Variants in PDE11A observed in about 807,000 individuals in gnomAD.
The protein encoded by PDE11A is dual 3',5'-cyclic-AMP and -GMP phosphodiesterase 11A.
In PDE11A, 100 loss-of-function variants were observed where a neutral mutation model predicts 100.5. That is an observed-to-expected ratio of 1.00 (90% confidence interval 0.85 to 1.18). PDE11A has a LOEUF of 1.18. PDE11A is among the 50% of genes most tolerant of loss of function. PDE11A has a pLI of 0.00. For synonymous variants in PDE11A, 381 were observed against 420.8 expected, an observed-to-expected ratio of 0.91 and a Z score of 1.16; for missense variants, 1,141 against 1,152.6, an observed-to-expected ratio of 0.99 and a Z score of 0.15.
chr2:177,967,944 C>T (rs563718427), intron 2 of PDE11A, among the ~76,000 whole-genome samples: 1 of 152,130 alleles, frequency 6.6e-6, no homozygotes, highest in African/African-American at 2.4e-5. Flanking sequence ...TAAATGAATA[C>T]CTATTTCATG....
intron 5 of PDE11A, among the ~76,000 whole-genome samples, chr2:177,861,658 T>A (rs1250741349): frequency 3.3e-5 from 5 of 151,890 alleles, no homozygotes; most frequent in Admixed American, 1.3e-4. Context: ...GGACTCACAC[T>A]TTTAGATTTT....
rs923202273 is a variant in PDE11A at position 177,859,022 on chromosome 2, C to T, written c.1367+16837G>A. Among the ~76,000 whole-genome samples the T allele has an allele frequency of 1.8e-4, 27 of 152,154 alleles. 1 individual carries two copies. The East Asian group carries it at 4.4e-3, about 25-fold the overall frequency. Reference sequence around the variant, plus strand: ...CAAAAAACCAAACACCGCATGTTCTCGCTCATAGGTGGGAATTGAACAATG... The same window carrying T: ...CAAAAAACCAAACACCGCATGTTCTTGCTCATAGGTGGGAATTGAACAATG... On this transcript the variant is annotated intron_variant, in intron 5 of 19. Transcript: ENST00000286063.
At chr2:177,727,513 A>G in intron 12 of PDE11A, 145 bp downstream of exon 12, 3 of 704,494 alleles carry the variant, frequency 4.3e-6, no homozygotes, top group Non-Finnish European at 2.6e-6. Context: ...TTGCTGGCAC[A>G]TATATACTTT....
At chr2:177,848,630 T>C (rs899800820) in intron 5 of PDE11A, among the ~76,000 whole-genome samples, 1 of 152,142 alleles carries the variant, frequency 6.6e-6, no homozygotes, top group East Asian at 1.9e-4. Context: ...ATATTGACTG[T>C]GGAGGGATAA....
chr2:177,891,325 T>A (rs1010220727), intron 4 of PDE11A, among the ~76,000 whole-genome samples: 9 of 152,190 alleles, frequency 5.9e-5, no homozygotes, highest in Non-Finnish European at 5.9e-5. Flanking sequence ...ACCAAACTTA[T>A]GACCATAAAA....
At chr2:177,759,271 A>AT (rs145469131) in intron 10 of PDE11A, among the ~76,000 whole-genome samples, 2,448 of 152,230 alleles carry the variant, frequency 0.016, 51 homozygotes, top group East Asian at 0.046. Flanking sequence ...AATCTTTAAA[A>AT]TTTACCTTGA....
Position 178,064,070 on chromosome 2 carries a change from T to C in PDE11A, c.912+7456A>G, listed in dbSNP as rs1417234406. 8.5e-4 allele frequency among the ~76,000 whole-genome samples: 129 copies of C among 152,214 alleles called. 3 individuals carry two copies. The highest frequency in any genetic ancestry group is 7.4e-5 in the Non-Finnish European group (5 of 68,022). On this transcript the variant is annotated intron_variant, in intron 1 of 19. Coordinates refer to ENST00000286063, the MANE Select transcript of PDE11A (RefSeq NM_016953.4). ...CCATCTAATGATTAGATTTGATGAT[T>C]AGAGGTTTACAAAATACTATGGGGT...
intron 2 of PDE11A, among the ~76,000 whole-genome samples, chr2:177,966,383 G>A (rs1045217329): frequency 6.6e-5 from 10 of 152,084 alleles, no homozygotes; most frequent in African/African-American, 1.9e-4. Flanking sequence ...GTACTATGAT[G>A]AATAGGAACA....
At chr2:177,636,992 G>A (rs1002870441) in intron 19 of PDE11A, among the ~76,000 whole-genome samples, 5 of 152,212 alleles carry the variant, frequency 3.3e-5, no homozygotes, top group Non-Finnish European at 7.3e-5. Flanking sequence ...TAGCAGAGAA[G>A]GAAAGACTTC....
Position 177,711,685 on chromosome 2 carries a change from A to G in PDE11A, c.2153+84T>C, listed in dbSNP as rs2081360732. On this transcript the variant is annotated intron_variant, in intron 13 of 19. Coordinates refer to ENST00000286063, the MANE Select transcript of PDE11A (RefSeq NM_016953.4). ...CCTTGGCCTCGGATGCCAGAAATTA[A>G]TGCTTTACTCTTTAGCATTCGTCAC... 2.3e-5 allele frequency: 19 copies of G among 813,128 alleles called. No homozygotes were observed. The South Asian group carries it at 2.7e-4, about 12-fold the overall frequency. 50.4% of individuals were successfully genotyped at this position (813,128 alleles called of 1,614,324 possible).
intron 18 of PDE11A, among the ~76,000 whole-genome samples, chr2:177,666,442 T>TA (rs956886280): frequency 6.6e-6 from 1 of 152,234 alleles, no homozygotes; most frequent in Non-Finnish European, 1.5e-5. Flanking sequence ...AGTCATATGG[T>TA]AACTCTGTTT....
intron 9 of PDE11A, among the ~76,000 whole-genome samples, chr2:177,790,490 A>C (rs1436348063): frequency 1.3e-5 from 2 of 151,870 alleles, no homozygotes; most frequent in East Asian, 3.9e-4. Flanking sequence ...CAAGGACTTC[A>C]TGTCCAAAAC....
At chr2:177,649,011 T>C (rs1300688664) in intron 19 of PDE11A, among the ~76,000 whole-genome samples, 1 of 152,144 alleles carries the variant, frequency 6.6e-6, no homozygotes, top group African/African-American at 2.4e-5. Flanking sequence ...AATAAATCTA[T>C]ACTAAAAATA....
intron 10 of PDE11A, among the ~76,000 whole-genome samples, chr2:177,737,614 G>C (rs2105460359): frequency 6.6e-6 from 1 of 150,814 alleles, no homozygotes; most frequent in South Asian, 2.1e-4. Flanking sequence ...CAAGAGAGAG[G>C]GGCAGGGTTC....
chr2:177,639,548 C>T (rs1412003505), intron 19 of PDE11A, among the ~76,000 whole-genome samples: 1 of 152,178 alleles, frequency 6.6e-6, no homozygotes, highest in Admixed American at 6.5e-5. Context: ...GATGTTCTGA[C>T]CTGCTACAAA....
intron 2 of PDE11A, among the ~76,000 whole-genome samples, chr2:177,943,443 C>T (rs899080931): frequency 6.6e-6 from 1 of 152,102 alleles, no homozygotes; most frequent in Non-Finnish European, 1.5e-5. Context: ...GACATGATAT[C>T]TCATTGTGGT....
At chr2:177,693,128 G>A (rs1400574435) in intron 15 of PDE11A, among the ~76,000 whole-genome samples, 1 of 152,160 alleles carries the variant, frequency 6.6e-6, no homozygotes. Flanking sequence ...ATTGTACGGG[G>A]AGCCTAATAT....
intron 2 of PDE11A, chr2:177,997,198 TAG>T (rs568842684): frequency 3.0e-4 from 383 of 1,263,950 alleles, no homozygotes; most frequent in Admixed American, 1.0e-3. Context: ...TCTTATTCAG[TAG>T]AGTCTTCCAC....
At chr2:177,939,919 C>T (rs13425796) in intron 2 of PDE11A, among the ~76,000 whole-genome samples, 1 of 152,110 alleles carries the variant, frequency 6.6e-6, no homozygotes, top group African/African-American at 2.4e-5. Flanking sequence ...TTGTTCTGAA[C>T]AAATAAACTT....
Sources: gnomAD v4.1 joint callset for allele counts (sites outside exome capture counted in the v4.1 genomes callset) on GRCh38, gnomAD v4.1.1 for gene constraint, MANE v1.5 for transcripts, NCBI Gene and HGNC (gene_info 2026-07-23, HGNC 2026-07-21) for gene names.